C6orf52: variants seen among roughly 807,000 people sequenced by gnomAD.
C6orf52 encodes the protein chromosome 6 open reading frame 52.
Under a neutral mutation model 16.6 loss-of-function variants are expected in C6orf52, and 16 were observed. The observed-to-expected ratio is 0.96, with a 90% CI of 0.65 to 1.46. The LOEUF (loss-of-function observed/expected upper bound fraction) is 1.46, where lower values mean the gene tolerates loss of function less well. C6orf52 is among the 40% of genes most tolerant of loss of function. C6orf52 has a pLI of 0.00. For missense variants in C6orf52, 166 were observed against 182.3 expected (o/e 0.91, Z 0.52); for synonymous variants, 53 against 61.4 (o/e 0.86, Z 0.64).
Position 10,674,970 on chromosome 6 carries a change from C to T in C6orf52, c.317-3372G>A, listed in dbSNP as rs925990405. Among the ~76,000 whole-genome samples the T allele has an allele frequency of 2.0e-5, 3 of 151,980 alleles. No individual in the cohort carries two copies. In the South Asian group the frequency reaches 6.2e-4, roughly 32 times the overall value. ...GATTACAGGCGCACACCACCACACT[C>T]GGCTAATTTTTTGTATCTTTAATAG... On this transcript the variant is annotated intron_variant, in intron 4 of 4. Transcript: ENST00000259983.
chr6:10,686,728 A>G (rs1768897011), intron 3 of C6orf52, among the ~76,000 whole-genome samples: 1 of 152,188 alleles, frequency 6.6e-6, no homozygotes, highest in South Asian at 2.1e-4. Context: ...TACACGTCCA[A>G]ACTCAGCAAA....
chr6:10,688,102 C>G (rs115537357), intron 1 of C6orf52, among the ~76,000 whole-genome samples: 1 of 151,018 alleles, frequency 6.6e-6, no homozygotes. Context: ...CAGAGAAGAA[C>G]GCGCTCCCTC....
At chr6:10,690,747 C>G (rs1045469355) in intron 1 of C6orf52, among the ~76,000 whole-genome samples, 25 of 152,136 alleles carry the variant, frequency 1.6e-4, no homozygotes, top group African/African-American at 4.3e-4. Flanking sequence ...AAACAATATC[C>G]TCTCGTGCTT....
chr6:10,673,443 C>T (rs538599738), intron 4 of C6orf52, among the ~76,000 whole-genome samples: 1 of 152,356 alleles, frequency 6.6e-6, no homozygotes, highest in African/African-American at 2.4e-5. Flanking sequence ...CCACTAGCCA[C>T]ATGCAGCTAT....
intron 1 of C6orf52, among the ~76,000 whole-genome samples, chr6:10,690,083 T>C (rs1769160443): frequency 6.6e-6 from 1 of 152,046 alleles, no homozygotes; most frequent in Admixed American, 6.6e-5. Context: ...AAGTTGAACA[T>C]TGAGGAGGTG....
Position 10,679,762 on chromosome 6 carries a change from T to C in C6orf52, c.316+3425A>G, listed in dbSNP as rs9379666. Among the ~76,000 whole-genome samples, 1,474 of 152,248 alleles carry C rather than the reference T, an allele frequency of 9.7e-3. 28 individuals are homozygous for C. Among genetic ancestry groups the C allele is most frequent in the East Asian group, 0.06 (312 of 5,174 alleles). On this transcript the variant is annotated intron_variant, in intron 4 of 4. Transcript: ENST00000259983. ...CTTCTAATATTATGTTGAATAGAAG[T>C]AGTGAAAGTGGGCATCCTTATCTGG...
chr6:10,675,845 A>C (rs1350896333), intron 4 of C6orf52, among the ~76,000 whole-genome samples: 1 of 152,148 alleles, frequency 6.6e-6, no homozygotes, highest in African/African-American at 2.4e-5. Flanking sequence ...AATGTCTTAA[A>C]AAATGGCCGG....
At chr6:10,687,388 A>G in intron 2 of C6orf52, 92 bp downstream of exon 2, 2 of 1,055,164 alleles carry the variant, frequency 1.9e-6, no homozygotes, top group Non-Finnish European at 1.4e-6. Context: ...AACTTTAAAA[A>G]AAAAAAAGCC....
intron 1 of C6orf52, among the ~76,000 whole-genome samples, chr6:10,687,848 C>A (rs1768990622): frequency 6.6e-6 from 1 of 152,116 alleles, no homozygotes; most frequent in Non-Finnish European, 1.5e-5. Context: ...CGGGAGCCAG[C>A]AGAACCCCAG....
rs533801215 is a variant in C6orf52 at position 10,693,238 on chromosome 6, G to A, written c.-12+1256C>T. Among the ~76,000 whole-genome samples the A allele has an allele frequency of 4.6e-5, 7 of 152,308 alleles. No individual in the cohort carries two copies. The South Asian group carries it at 1.4e-3, about 32-fold the overall frequency. ...GTAAGGACAACCCAAAGGCGTAAGG[G>A]ACAAATATGTCTGCTTTTCCTTTGT... On this transcript the variant is annotated intron_variant, in intron 1 of 4. Coordinates refer to ENST00000259983, the MANE Select transcript of C6orf52 (RefSeq NM_001145020.3).
At chr6:10,683,148 G>C in intron 4 of C6orf52, 39 bp downstream of exon 4, 1 of 1,407,794 alleles carries the variant, frequency 7.1e-7, no homozygotes, top group Non-Finnish European at 9.6e-7. Context: ...AGGAAATGGG[G>C]TTTTGTTTCC....
chr6:10,687,290 G>A, intron 2 of C6orf52, 126 bp from the exon 3 acceptor site: 1 of 795,758 alleles, frequency 1.3e-6, no homozygotes, highest in East Asian at 2.7e-5. Flanking sequence ...GATACCTAAT[G>A]TAGATGACGG....
intron 1 of C6orf52, among the ~76,000 whole-genome samples, chr6:10,693,135 TCACAGCCTGTTTAGCA>T: frequency 6.6e-6 from 1 of 152,344 alleles, no homozygotes; most frequent in East Asian, 1.9e-4. Flanking sequence ...ACGTTCCAGC[TCACAGCCTGTTTAGCA>T]AATCGGGTAT....
At chr6:10,691,798 C>G (rs2127473523) in intron 1 of C6orf52, among the ~76,000 whole-genome samples, 1 of 152,244 alleles carries the variant, frequency 6.6e-6, no homozygotes, top group Non-Finnish European at 1.5e-5. Context: ...GTCCTCTGAG[C>G]TCTGTAATTG....
Position 10,687,124 on chromosome 6 carries a change from TG to T in C6orf52, c.111del (p.Ser38AlafsTer58), listed in dbSNP as rs1768925916. On this transcript the variant is annotated frameshift_variant, in exon 3 of 5. Coordinates refer to ENST00000259983, the MANE Select transcript of C6orf52 (RefSeq NM_001145020.3). LOFTEE classifies it high-confidence loss of function. ...CAGTTGCCATAGCGGTAACTCTGGC[TG>T]GGCTGGAACTCCTGCTTCACTCTAA... ...SAIRVKQEFQ[P>X]SQSYRYGNWY... The T allele has an allele frequency of 6.4e-7, 1 of 1,551,900 alleles. No individual in the cohort carries two copies. Among genetic ancestry groups the T allele is most frequent in the Non-Finnish European group, 8.7e-7 (1 of 1,146,984 alleles).
At position 10,675,561 on chromosome 6, in the gene C6orf52, G is replaced by A. The variant is rs144417898; in HGVS notation, c.317-3963C>T. On this transcript the variant is annotated intron_variant, in intron 4 of 4. Coordinates refer to ENST00000259983, the MANE Select transcript of C6orf52 (RefSeq NM_001145020.3). ...TATATGCCCAATAGTGGGATTGCTG[G>A]ATCATATAGTAGCTCTACTGTTAAT... Among the ~76,000 whole-genome samples, 712 of 152,272 alleles carry A rather than the reference G, an allele frequency of 4.7e-3. 7 individuals are homozygous for A. The highest frequency in any genetic ancestry group is 0.015 in the African/African-American group (625 of 41,550).
intron 3 of C6orf52, among the ~76,000 whole-genome samples, chr6:10,686,599 T>C (rs1460259307): frequency 6.6e-6 from 1 of 152,218 alleles, no homozygotes; most frequent in Non-Finnish European, 1.5e-5. Context: ...GAGTAAAATT[T>C]ATCGAATTAT....
intron 1 of C6orf52, among the ~76,000 whole-genome samples, chr6:10,691,857 A>G (rs1454284966): frequency 6.6e-6 from 1 of 152,062 alleles, no homozygotes; most frequent in Non-Finnish European, 1.5e-5. Flanking sequence ...TTTAAAGTAA[A>G]ACCACTTTGA....
chr6:10,679,437 CA>C (rs535153695), intron 4 of C6orf52, among the ~76,000 whole-genome samples: 5,983 of 80,824 alleles, frequency 0.074, 282 homozygotes, highest in African/African-American at 0.21. Flanking sequence ...AGACTGTCTC[CA>C]AAAAAAAAAA....
Sources: gnomAD v4.1 joint callset for allele counts (sites outside exome capture counted in the v4.1 genomes callset) on GRCh38, gnomAD v4.1.1 for gene constraint, MANE v1.5 for transcripts, NCBI Gene and HGNC (gene_info 2026-07-23, HGNC 2026-07-21) for gene names.